TENM2: variants seen among roughly 807,000 people sequenced by gnomAD.
TENM2 encodes the protein teneurin-2.
A neutral mutation model predicts 245.2 loss-of-function variants in TENM2; 52 were observed. That is an observed-to-expected ratio of 0.21 (90% CI 0.17 to 0.27). The LOEUF (loss-of-function observed/expected upper bound fraction) is 0.27. Ranked by LOEUF, TENM2 falls within the 10% of genes least tolerant of loss-of-function variation. The pLI, the probability that TENM2 is intolerant of heterozygous loss-of-function variation, is 1.00. For synonymous variants in TENM2, 1,363 were observed against 1,438.9 expected (o/e 0.95, Z 1.19); for missense variants, 3,046 against 3,666.8 (o/e 0.83, Z 4.37).
intron 2 of TENM2, among the ~76,000 whole-genome samples, chr5:167,764,819 T>C (rs1042303974): frequency 6.6e-6 from 1 of 152,204 alleles, no homozygotes; most frequent in South Asian, 2.1e-4. Context: ...CCAGACACAC[T>C]CCTGTGCTTT....
chr5:167,847,404 A>G (rs1180174403), intron 2 of TENM2, among the ~76,000 whole-genome samples: 1 of 152,218 alleles, frequency 6.6e-6, no homozygotes. Flanking sequence ...TAGAAAATCT[A>G]CTATTCTATT....
intron 1 of TENM2, among the ~76,000 whole-genome samples, chr5:167,289,020 CT>C (rs1349329324): frequency 2.0e-5 from 3 of 152,208 alleles, no homozygotes; most frequent in Non-Finnish European, 4.4e-5. Context: ...TCACCACCAG[CT>C]CCCAGCCCTG....
intron 2 of TENM2, among the ~76,000 whole-genome samples, chr5:167,857,215 T>G (rs1372218397): frequency 6.6e-6 from 1 of 152,216 alleles, no homozygotes; most frequent in Non-Finnish European, 1.5e-5. Context: ...CATGCAAGAT[T>G]TATCAAGCTG....
intron 2 of TENM2, among the ~76,000 whole-genome samples, chr5:167,547,416 T>G (rs535367113): frequency 6.6e-6 from 1 of 152,342 alleles, no homozygotes; most frequent in East Asian, 1.9e-4. Context: ...CAGGATCCAT[T>G]AAGAGCAGCG....
intron 1 of TENM2, among the ~76,000 whole-genome samples, chr5:167,328,821 T>A (rs115752912): frequency 0.012 from 1,834 of 152,304 alleles, 44 homozygotes; most frequent in African/African-American, 0.041. Flanking sequence ...TACTCTATCC[T>A]GTTTCTCTGC....
At position 167,441,296 on chromosome 5, in the gene TENM2, G is replaced by C. The variant is rs911954247; in HGVS notation, c.502+65823G>C. ...ATATACCAGTTTGAAGGGAGGCAAAGTGATATTCCAAGGAAATTTAGCATT... is the reference window on the plus strand; with the variant it reads ...ATATACCAGTTTGAAGGGAGGCAAACTGATATTCCAAGGAAATTTAGCATT... On this transcript the variant is annotated intron_variant, in intron 2 of 28. Coordinates refer to ENST00000518659, the Ensembl canonical transcript of TENM2. Among the ~76,000 whole-genome samples the C allele has an allele frequency of 3.9e-5, 6 of 152,206 alleles. No homozygotes were observed. In the East Asian group the frequency reaches 1.2e-3, roughly 29 times the overall value.
the TENM2 span, among the ~76,000 whole-genome samples, chr5:167,057,149 T>C: frequency 1.3e-5 from 2 of 152,188 alleles, no homozygotes; most frequent in African/African-American, 4.8e-5. Context: ...TTATTTCCCT[T>C]ACAATGGTTT....
chr5:167,225,374 G>A, the TENM2 span, among the ~76,000 whole-genome samples: 6 of 151,986 alleles, frequency 3.9e-5, no homozygotes, highest in African/African-American at 1.4e-4. Context: ...TTATTATGAA[G>A]CGATGTTGTG....
At chr5:167,349,354 G>A (rs2127836002) in intron 1 of TENM2, among the ~76,000 whole-genome samples, 1 of 152,220 alleles carries the variant, frequency 6.6e-6, no homozygotes, top group Middle Eastern at 3.4e-3. Flanking sequence ...GATTTATAGA[G>A]ACCAGGAAAT....
chr5:167,306,454 T>C (rs1755683863), intron 1 of TENM2: 1 of 151,702 alleles, frequency 6.6e-6, no homozygotes, highest in Non-Finnish European at 1.5e-5. Flanking sequence ...AATTCAGGCG[T>C]ATCAGAGCCC....
intron 2 of TENM2, among the ~76,000 whole-genome samples, chr5:167,616,723 G>T (rs970238714): frequency 1.3e-5 from 2 of 151,994 alleles, no homozygotes; most frequent in Non-Finnish European, 2.9e-5. Context: ...ATGAATGTGA[G>T]GAAACAAACA....
At chr5:168,072,498 C>A (rs1424516744) in intron 7 of TENM2, among the ~76,000 whole-genome samples, 1 of 152,098 alleles carries the variant, frequency 6.6e-6, no homozygotes, top group Non-Finnish European at 1.5e-5. Flanking sequence ...ACTGGGGATA[C>A]AGTGATTAAA....
chr5:167,563,635 A>T (rs932040029), intron 2 of TENM2, among the ~76,000 whole-genome samples: 1 of 152,180 alleles, frequency 6.6e-6, no homozygotes, highest in Admixed American at 6.5e-5. Flanking sequence ...CCAAATAACA[A>T]CATTTCAGTC....
chr5:167,515,049 C>T (rs1381913746), intron 2 of TENM2, among the ~76,000 whole-genome samples: 1 of 151,936 alleles, frequency 6.6e-6, no homozygotes, highest in Non-Finnish European at 1.5e-5. Context: ...ATGTAAACTG[C>T]ATGTATGGAA....
intron 2 of TENM2, among the ~76,000 whole-genome samples, chr5:167,517,727 C>T (rs1770476239): frequency 6.6e-6 from 1 of 152,124 alleles, no homozygotes; most frequent in Non-Finnish European, 1.5e-5. Context: ...TAGTTTCTTC[C>T]CTTGCCTGGA....
chr5:168,047,352 C>A, intron 5 of TENM2, 75 bp from the exon 8 acceptor site: 1 of 1,519,726 alleles, frequency 6.6e-7, no homozygotes, highest in Non-Finnish European at 8.9e-7. Context: ...TGGAAAAGGG[C>A]ACCTGGCCCT....
intron 5 of TENM2, among the ~76,000 whole-genome samples, chr5:168,012,376 C>T (rs967396529): frequency 6.6e-6 from 1 of 151,994 alleles, no homozygotes; most frequent in Non-Finnish European, 1.5e-5. Flanking sequence ...GGCACAGAGG[C>T]TCACACTTGT....
intron 4 of TENM2, among the ~76,000 whole-genome samples, chr5:167,992,277 AAG>A (rs1783723070): frequency 6.6e-6 from 1 of 152,228 alleles, no homozygotes; most frequent in Non-Finnish European, 1.5e-5. Flanking sequence ...AATTAAAAAA[AAG>A]AATATATCTG....
intron 1 of TENM2, among the ~76,000 whole-genome samples, chr5:167,304,512 A>T (rs564769478): frequency 6.6e-6 from 1 of 152,274 alleles, no homozygotes; most frequent in East Asian, 1.9e-4. Context: ...GTAGTGCAGG[A>T]CTTCTTGGGA....
Sources: gnomAD v4.1 joint callset for allele counts (sites outside exome capture counted in the v4.1 genomes callset) on GRCh38, gnomAD v4.1.1 for gene constraint, MANE v1.5 for transcripts, NCBI Gene and HGNC (gene_info 2026-07-23, HGNC 2026-07-21) for gene names.